Variants in STXBP5L observed in about 807,000 individuals in gnomAD.
The protein encoded by STXBP5L is syntaxin-binding protein 5-like.
STXBP5L carries 65 observed loss-of-function variants against 144.5 expected under a neutral mutation model. The ratio of observed to expected loss-of-function variants is 0.45; its 90% CI spans 0.37 to 0.55. The LOEUF (loss-of-function observed/expected upper bound fraction) is 0.55, where lower values mean the gene tolerates loss of function less well. STXBP5L is among the 20% of genes least tolerant of loss of function. The probability of loss-of-function intolerance (pLI) is 0.00; values close to 1 mark genes in which losing one functional copy is unlikely to be tolerated. For synonymous variants in STXBP5L, 505 were observed against 469.6 expected, an observed-to-expected ratio of 1.08 and a Z score of -0.97; for missense variants, 1,298 against 1,405.5, an observed-to-expected ratio of 0.92 and a Z score of 1.22.
chr3:121,332,620 A>T (rs1192957518), intron 20 of STXBP5L, among the ~76,000 whole-genome samples: 1 of 152,078 alleles, frequency 6.6e-6, no homozygotes, highest in African/African-American at 2.4e-5. Context: ...ATGGGATTAC[A>T]TAATCCCATG....
chr3:120,985,055 G>T (rs1942167327), intron 3 of STXBP5L, among the ~76,000 whole-genome samples: 2 of 151,910 alleles, frequency 1.3e-5, no homozygotes, highest in South Asian at 4.2e-4. Flanking sequence ...TGCTGTATTT[G>T]GTTTGCTAGT....
intron 2 of STXBP5L, 36 bp from the exon 3 acceptor site, chr3:120,954,904 C>T: frequency 6.5e-7 from 1 of 1,550,184 alleles, no homozygotes. Flanking sequence ...TTTTTATTTC[C>T]CTAGAGACTT....
intron 9 of STXBP5L, among the ~76,000 whole-genome samples, chr3:121,173,693 G>T (rs1011312500): frequency 1.3e-5 from 2 of 152,098 alleles, no homozygotes; most frequent in Non-Finnish European, 2.9e-5. Context: ...ATAAGGAAGA[G>T]AAAATACATT....
chr3:120,926,768 G>A (rs1709654038), intron 2 of STXBP5L, among the ~76,000 whole-genome samples: 1 of 152,002 alleles, frequency 6.6e-6, no homozygotes, highest in African/African-American at 2.4e-5. Context: ...CAAATAGCCT[G>A]TCTTTGAGCT....
chr3:121,132,739 C>G (rs1250013525), intron 7 of STXBP5L, among the ~76,000 whole-genome samples: 1 of 151,638 alleles, frequency 6.6e-6, no homozygotes, highest in African/African-American at 2.4e-5. Context: ...TCACTGAGGT[C>G]AATAATGCAA....
intron 10 of STXBP5L, among the ~76,000 whole-genome samples, chr3:121,219,962 T>C (rs13070537): frequency 6.6e-6 from 1 of 152,202 alleles, no homozygotes; most frequent in African/African-American, 2.4e-5. Context: ...CTGTTTTCTG[T>C]ATGTATTTTA....
intron 5 of STXBP5L, among the ~76,000 whole-genome samples, chr3:121,105,301 C>A (rs1434845287): frequency 6.6e-6 from 1 of 151,932 alleles, no homozygotes; most frequent in Non-Finnish European, 1.5e-5. Context: ...GAGGCTGAGG[C>A]AGGAGAATCG....
intron 2 of STXBP5L, among the ~76,000 whole-genome samples, chr3:120,918,798 G>C (rs1394527456): frequency 6.6e-6 from 1 of 152,198 alleles, no homozygotes; most frequent in East Asian, 1.9e-4. Context: ...AATTCAGTTT[G>C]TGTAAAGTCA....
chr3:120,943,829 T>C lies in STXBP5L; in HGVS notation c.190-11111T>C, dbSNP rs373293873. On this transcript the variant is annotated intron_variant, in intron 2 of 26. Coordinates refer to ENST00000471454, the MANE Select transcript of STXBP5L (RefSeq NM_001308330.2). Reference sequence around the variant, plus strand: ...CAACTGTTTTCTTCTTCTTCTTCTTTTTTTTTTTTAAACTGGATCATTAGT... The same window carrying C: ...CAACTGTTTTCTTCTTCTTCTTCTTCTTTTTTTTTAAACTGGATCATTAGT... 1.1e-4 allele frequency among the ~76,000 whole-genome samples: 16 copies of C among 151,300 alleles called. No individual in the cohort carries two copies. The East Asian group carries it at 1.2e-3, about 11-fold the overall frequency.
intron 5 of STXBP5L, among the ~76,000 whole-genome samples, chr3:121,091,423 C>A (rs1444549305): frequency 7.9e-5 from 12 of 151,834 alleles, no homozygotes; most frequent in Admixed American, 5.3e-4. Flanking sequence ...TATTTCTCCA[C>A]ATCCTCTCCA....
chr3:121,318,366 G>T (rs1470253226), intron 19 of STXBP5L, 109 bp from the exon 20 acceptor site: 1 of 591,996 alleles, frequency 1.7e-6, no homozygotes, highest in Non-Finnish European at 2.8e-6. Context: ...ACATGATAAA[G>T]TAGTTTTCAC....
intron 9 of STXBP5L, among the ~76,000 whole-genome samples, chr3:121,195,406 G>A (rs13083612): frequency 1.0e-3 from 152 of 151,956 alleles, no homozygotes; most frequent in Non-Finnish European, 1.8e-3. Context: ...AACATCCATC[G>A]CGTCACATAA....
At chr3:121,204,798 A>G (rs555391385) in intron 9 of STXBP5L, among the ~76,000 whole-genome samples, 110 of 152,304 alleles carry the variant, frequency 7.2e-4, no homozygotes, top group African/African-American at 2.6e-3. Context: ...AAAGAATTAA[A>G]CTGAAAGCAT....
At chr3:120,917,331 A>T (rs1041995818) in intron 2 of STXBP5L, among the ~76,000 whole-genome samples, 99 of 152,232 alleles carry the variant, frequency 6.5e-4, no homozygotes, top group Non-Finnish European at 1.8e-4. Context: ...AATTAGTAGC[A>T]TCAGTACCAA....
intron 5 of STXBP5L, among the ~76,000 whole-genome samples, chr3:121,111,015 G>A (rs549992155): frequency 4.0e-5 from 6 of 151,786 alleles, no homozygotes; most frequent in Middle Eastern, 3.4e-3. Flanking sequence ...TCTTTCCTCC[G>A]CTTGGTCTAT....
intron 3 of STXBP5L, among the ~76,000 whole-genome samples, chr3:121,000,420 A>G (rs1943678069): frequency 6.6e-6 from 1 of 152,086 alleles, no homozygotes; most frequent in Non-Finnish European, 1.5e-5. Flanking sequence ...TTTCCAATTG[A>G]ATTATGAAAT....
At chr3:120,981,374 G>A (rs1366851491) in intron 3 of STXBP5L, among the ~76,000 whole-genome samples, 1 of 152,006 alleles carries the variant, frequency 6.6e-6, no homozygotes, top group Non-Finnish European at 1.5e-5. Context: ...GTTTCTCAAA[G>A]GCTCTGCTCA....
intron 5 of STXBP5L, among the ~76,000 whole-genome samples, chr3:121,047,269 A>T (rs1404068177): frequency 6.6e-6 from 1 of 151,986 alleles, no homozygotes; most frequent in African/African-American, 2.4e-5. Flanking sequence ...TTTTATGTCC[A>T]ATTGTGTGGT....
intron 3 of STXBP5L, among the ~76,000 whole-genome samples, chr3:121,033,489 T>G (rs1436990185): frequency 7.1e-6 from 1 of 141,810 alleles, no homozygotes; most frequent in Non-Finnish European, 1.5e-5. Flanking sequence ...CGTTAGTGGG[T>G]GCAGTGCACC....
Sources: gnomAD v4.1 joint callset for allele counts (sites outside exome capture counted in the v4.1 genomes callset) on GRCh38, gnomAD v4.1.1 for gene constraint, MANE v1.5 for transcripts, NCBI Gene and HGNC (gene_info 2026-07-23, HGNC 2026-07-21) for gene names.